PCDH9: variants seen among roughly 807,000 people sequenced by gnomAD.
The protein encoded by PCDH9 is protocadherin-9.
Under a neutral mutation model 70.6 loss-of-function variants are expected in PCDH9, and 24 were observed. The ratio of observed to expected loss-of-function variants is 0.34; its 90% confidence interval spans 0.25 to 0.48. The LOEUF (loss-of-function observed/expected upper bound fraction) is 0.48, where lower values mean the gene tolerates loss of function less well. Among genes scored for constraint, PCDH9 ranks in the 20% least tolerant of loss-of-function variants. PCDH9 has a pLI of 0.99. For missense variants in PCDH9, 1,281 were observed against 1,503.6 expected (o/e 0.85, Z 2.45); for synonymous variants, 562 against 558.5 (o/e 1.01, Z -0.09).
At chr13:67,074,984 T>C (rs997334327) in intron 2 of PCDH9, among the ~76,000 whole-genome samples, 2 of 152,116 alleles carry the variant, frequency 1.3e-5, no homozygotes, top group African/African-American at 4.8e-5. Flanking sequence ...TAGACATTTT[T>C]TTTTAGGTGC....
intron 2 of PCDH9, among the ~76,000 whole-genome samples, chr13:67,013,221 T>A (rs1330434250): frequency 6.6e-6 from 1 of 150,634 alleles, no homozygotes; most frequent in Admixed American, 6.7e-5. Context: ...CCTGTTACAG[T>A]TTTTCGAGGC....
chr13:66,404,885 C>T (rs1395034569), intron 4 of PCDH9, among the ~76,000 whole-genome samples: 1 of 152,088 alleles, frequency 6.6e-6, no homozygotes, highest in African/African-American at 2.4e-5. Flanking sequence ...ATTGTAGAAA[C>T]ATTCCTGCTT....
At chr13:66,555,891 A>T (rs1961715603) in intron 4 of PCDH9, among the ~76,000 whole-genome samples, 1 of 147,976 alleles carries the variant, frequency 6.8e-6, no homozygotes, top group Non-Finnish European at 1.5e-5. Flanking sequence ...TTGAAGTTTT[A>T]TATATATATA....
chr13:66,973,621 A>C (rs1170344768), intron 2 of PCDH9, among the ~76,000 whole-genome samples: 1 of 152,028 alleles, frequency 6.6e-6, no homozygotes, highest in Non-Finnish European at 1.5e-5. Context: ...ATTTTTAATC[A>C]TATCCATGTA....
At chr13:67,130,860 A>G (rs2087096788) in intron 2 of PCDH9, among the ~76,000 whole-genome samples, 2 of 151,876 alleles carry the variant, frequency 1.3e-5, no homozygotes, top group Admixed American at 1.3e-4. Flanking sequence ...TGCAGGTTTT[A>G]TGCTGGACAT....
chr13:66,598,798 C>T (rs561001048), intron 4 of PCDH9, among the ~76,000 whole-genome samples: 1 of 151,896 alleles, frequency 6.6e-6, no homozygotes, highest in East Asian at 1.9e-4. Context: ...ATAAATGCCT[C>T]CTAAGAATCT....
At chr13:66,479,620 C>A (rs534610566) in intron 4 of PCDH9, among the ~76,000 whole-genome samples, 2 of 150,416 alleles carry the variant, frequency 1.3e-5, no homozygotes, top group South Asian at 4.2e-4. Context: ...CCAATCAGCA[C>A]TCTGTGTCTA....
At chr13:66,784,530 T>A (rs1335638425) in intron 3 of PCDH9, among the ~76,000 whole-genome samples, 1 of 152,144 alleles carries the variant, frequency 6.6e-6, no homozygotes, top group African/African-American at 2.4e-5. Context: ...TAAATAATCC[T>A]CTATATGTCT....
chr13:67,140,875 T>C (rs971845190), intron 2 of PCDH9, among the ~76,000 whole-genome samples: 2 of 152,202 alleles, frequency 1.3e-5, no homozygotes, highest in Non-Finnish European at 2.9e-5. Context: ...ACACTGTGTG[T>C]CTGCACAGTA....
intron 3 of PCDH9, among the ~76,000 whole-genome samples, chr13:66,720,161 A>AT (rs67065154): frequency 0.13 from 19,505 of 149,754 alleles, 1,369 homozygotes; most frequent in African/African-American, 0.18. Flanking sequence ...TTTTATTTTT[A>AT]TTTTTTTTTG....
At chr13:67,015,688 A>T (rs574127050) in intron 2 of PCDH9, among the ~76,000 whole-genome samples, 1 of 152,202 alleles carries the variant, frequency 6.6e-6, no homozygotes, top group African/African-American at 2.4e-5. Context: ...TTCTCTCAAC[A>T]GCATTCAACA....
intron 4 of PCDH9, among the ~76,000 whole-genome samples, chr13:66,370,623 G>A (rs138478289): frequency 1.3e-4 from 20 of 150,578 alleles, no homozygotes; most frequent in East Asian, 7.9e-4. Context: ...GGATCCTCCC[G>A]TATCAGCCTC....
chr13:66,559,087 C>T (rs968635394), intron 4 of PCDH9, among the ~76,000 whole-genome samples: 2 of 152,124 alleles, frequency 1.3e-5, no homozygotes, highest in Non-Finnish European at 2.9e-5. Context: ...CAGTGACTTA[C>T]AAACTAGTTA....
At position 67,228,048 on chromosome 13, in the gene PCDH9, A is replaced by G; in HGVS notation, c.393T>C (p.Ile131=). 2 of 1,613,796 alleles carry G rather than the reference A, an allele frequency of 1.2e-6. No individual in the cohort carries two copies. Among genetic ancestry groups the G allele is most frequent in the Non-Finnish European group, 1.7e-6 (2 of 1,179,912 alleles). ...GGGCATTATCATTGGTATCCTTGAC[A>G]ATTATTTTTATTTTGATCAGCCTGA... is the stretch of plus-strand genomic sequence containing the variant. ...DFFRLIKIKI[I]VKDTNDNAPM... The change falls in exon 2 of 5, where the codon ATT becomes ATC. Residue 131 remains isoleucine (I), a synonymous_variant. Coordinates refer to ENST00000377865, the MANE Select transcript of PCDH9 (RefSeq NM_203487.3).
At chr13:67,145,140 C>G (rs1214527481) in intron 2 of PCDH9, among the ~76,000 whole-genome samples, 1 of 152,028 alleles carries the variant, frequency 6.6e-6, no homozygotes, top group Non-Finnish European at 1.5e-5. Flanking sequence ...AAATCTATTA[C>G]ACACCATAAT....
At chr13:67,111,132 G>A (rs1189019816) in intron 2 of PCDH9, among the ~76,000 whole-genome samples, 4 of 152,194 alleles carry the variant, frequency 2.6e-5, no homozygotes, top group South Asian at 2.1e-4. Context: ...TAACCAAAAC[G>A]AGTTAAGATT....
At chr13:66,397,018 C>T (rs1566294544) in intron 4 of PCDH9, among the ~76,000 whole-genome samples, 1 of 151,992 alleles carries the variant, frequency 6.6e-6, no homozygotes, top group Non-Finnish European at 1.5e-5. Flanking sequence ...ACATCCACTC[C>T]AAGAGAACAT....
intron 2 of PCDH9, chr13:67,223,388 G>A (rs1015252683): frequency 6.6e-6 from 1 of 152,092 alleles, no homozygotes; most frequent in African/African-American, 2.4e-5. Context: ...AAAAAAAGAT[G>A]ATGCTGGAAG....
intron 2 of PCDH9, among the ~76,000 whole-genome samples, chr13:66,907,145 A>C (rs1468934809): frequency 6.6e-6 from 1 of 152,158 alleles, no homozygotes; most frequent in East Asian, 1.9e-4. Context: ...TGGAGGTTGC[A>C]GTGAGCTGAG....
Sources: allele counts gnomAD v4.1 joint callset (sites outside exome capture counted in the v4.1 genomes callset), GRCh38; gene constraint gnomAD v4.1.1; transcripts MANE v1.5; gene names NCBI Gene and HGNC (gene_info 2026-07-23, HGNC 2026-07-21).